The following GPCPD1 variants were observed in gnomAD, a reference collection of about 807,000 sequenced individuals.
The protein encoded by GPCPD1 is glycerophosphocholine phosphodiesterase GPCPD1.
GPCPD1 carries 29 observed loss-of-function variants against 89.2 expected under a neutral mutation model. That is an observed-to-expected ratio of 0.33 (90% CI 0.24 to 0.44). The LOEUF is 0.44. Ranked by LOEUF, GPCPD1 falls within the 20% of genes least tolerant of loss-of-function variation. The pLI, the probability that GPCPD1 is intolerant of heterozygous loss-of-function variation, is 1.00. For synonymous variants in GPCPD1, 258 were observed against 266.3 expected (o/e 0.97, Z 0.30); for missense variants, 594 against 808.9 (o/e 0.73, Z 3.22).
In GPCPD1 at chr20:5,580,108, C is replaced by T. The variant is rs766339227; in HGVS notation, c.373G>A (p.Gly125Arg). The T allele has an allele frequency of 2.0e-6, 3 of 1,504,642 alleles. No homozygotes were observed. The allele number at this position is 1,504,642 out of a possible 1,614,324, so 93.2% of individuals were successfully genotyped here. A position where few individuals can be genotyped will look rare whatever the true frequency, so the allele number is the denominator to read the frequency against. The change falls in exon 7 of 20, where the codon GGA becomes AGA. Residue 125 changes from glycine to arginine, a missense_variant. Physicochemically the swap from Gly to Arg is moderately radical, Grantham distance 125. Coordinates refer to ENST00000379019, the MANE Select transcript of GPCPD1 (RefSeq NM_019593.5). ...IHNGVETLDS[G>R]WLTCQTEIRL... ...ATTTCAGTCTGACATGTCAGCCATC[C>T]AGAATCCAGAGTTTCAACACCATCT...
chr20:5,558,953 A>G (rs73596113), intron 17 of GPCPD1, 134 bp from the exon 18 acceptor site: 100,731 of 621,454 alleles, frequency 0.16, 8,825 homozygotes, highest in South Asian at 0.18. Flanking sequence ...CTGTAATCCC[A>G]ACACTTTGGG....
At chr20:5,567,367 T>G (rs1460807705) in intron 13 of GPCPD1, 116 bp downstream of exon 13, 2 of 1,237,156 alleles carry the variant, frequency 1.6e-6, no homozygotes, top group African/African-American at 3.1e-5. Context: ...AAGCACATAG[T>G]CTACACATTA....
chr20:5,598,507 A>G (rs1221789163), intron 3 of GPCPD1, among the ~76,000 whole-genome samples: 1 of 150,692 alleles, frequency 6.6e-6, no homozygotes, highest in African/African-American at 2.4e-5. Flanking sequence ...AAAAAAAAAA[A>G]GAAATGAAAG....
chr20:5,568,734 G>A (rs1383530290), intron 12 of GPCPD1, among the ~76,000 whole-genome samples: 1 of 151,962 alleles, frequency 6.6e-6, no homozygotes, highest in African/African-American at 2.4e-5. Context: ...GTGAAGCCCC[G>A]TCTCTACTAA....
intron 1 of GPCPD1, among the ~76,000 whole-genome samples, chr20:5,609,426 T>C (rs1461056954): frequency 6.6e-6 from 1 of 152,260 alleles, no homozygotes; most frequent in African/African-American, 2.4e-5. Flanking sequence ...TGGATCTTTA[T>C]TTAAAAAGTG....
intron 3 of GPCPD1, among the ~76,000 whole-genome samples, chr20:5,597,617 G>T (rs1457157381): frequency 6.6e-6 from 1 of 152,168 alleles, no homozygotes; most frequent in African/African-American, 2.4e-5. Flanking sequence ...TCGGGCACTG[G>T]ATATACTTGT....
intron 6 of GPCPD1, among the ~76,000 whole-genome samples, chr20:5,583,201 GCAA>G (rs1978673376): frequency 6.9e-6 from 1 of 145,382 alleles, no homozygotes; most frequent in African/African-American, 2.6e-5. Context: ...TCCAGCCTGG[GCAA>G]CAGGTGCAAA....
chr20:5,547,777 G>C lies in GPCPD1; in HGVS notation c.1903C>G (p.Pro635Ala). The C allele has an allele frequency of 1.2e-6, 2 of 1,610,384 alleles. No individual in the cohort carries two copies. The highest frequency in any genetic ancestry group is 3.3e-4 in the Middle Eastern group (2 of 6,054). Residue 635 changes from proline to alanine, a missense_variant, in exon 20 of 20, where the codon CCA becomes GCA. By Grantham distance (27) the Pro-to-Ala change is conservative. Transcript: ENST00000379019. ...EQLERLKQELPELKSCLCPTV... is the reference protein window; with the variant it reads ...EQLERLKQELAELKSCLCPTV... ...GGACACAAACAGCTCTTAAGCTCTG[G>C]CAATTCCTGCTTCAGGCGTTCCAAT...
chr20:5,605,961 G>C (rs2122824065), intron 1 of GPCPD1, among the ~76,000 whole-genome samples: 1 of 151,976 alleles, frequency 6.6e-6, no homozygotes, highest in Middle Eastern at 3.4e-3. Flanking sequence ...GAATCACTTT[G>C]ATTATTTATA....
intron 4 of GPCPD1, 150 bp downstream of exon 4, chr20:5,593,176 CT>C: frequency 5.8e-6 from 3 of 513,188 alleles, no homozygotes; most frequent in Non-Finnish European, 1.1e-5. Context: ...GAAGTGGCTA[CT>C]TCCTTGGTTT....
chr20:5,549,543 A>AT, intron 19 of GPCPD1: 1 of 946,582 alleles, frequency 1.1e-6, no homozygotes, highest in Non-Finnish European at 1.6e-6. Flanking sequence ...AGCAATCGAG[A>AT]TTTTGGAGCT....
chr20:5,601,361 C>CTTTTT (rs1209326779), intron 2 of GPCPD1, among the ~76,000 whole-genome samples: 10 of 73,058 alleles, frequency 1.4e-4, no homozygotes, highest in Admixed American at 1.9e-4. Context: ...CCCTGTTAAT[C>CTTTTT]TTTTTTTTTT....
chr20:5,598,368 T>G (rs956223756), intron 3 of GPCPD1, among the ~76,000 whole-genome samples: 1 of 152,138 alleles, frequency 6.6e-6, no homozygotes, highest in Admixed American at 6.6e-5. Context: ...ATCACACCAC[T>G]GTACTCCAGC....
intron 6 of GPCPD1, among the ~76,000 whole-genome samples, chr20:5,580,454 G>T (rs1206011698): frequency 2.0e-5 from 3 of 152,110 alleles, no homozygotes; most frequent in Non-Finnish European, 4.4e-5. Flanking sequence ...GGGCGGGCAT[G>T]GTGGCTCACG....
chr20:5,606,223 G>A (rs1280867992), intron 1 of GPCPD1, among the ~76,000 whole-genome samples: 2 of 152,078 alleles, frequency 1.3e-5, no homozygotes, highest in East Asian at 1.9e-4. Context: ...TAATTTAAAT[G>A]GAGAAAGAAC....
chr20:5,596,309 C>T (rs1412839253), intron 3 of GPCPD1, among the ~76,000 whole-genome samples: 2 of 151,932 alleles, frequency 1.3e-5, no homozygotes, highest in South Asian at 2.1e-4. Flanking sequence ...GGAAGATCAC[C>T]GGAGCCCAGG....
At chr20:5,566,278 A>C (rs868558791) in intron 14 of GPCPD1, among the ~76,000 whole-genome samples, 3 of 152,236 alleles carry the variant, frequency 2.0e-5, no homozygotes, top group Non-Finnish European at 4.4e-5. Context: ...AGGATTTAAA[A>C]TGAATACAAT....
At chr20:5,574,165 A>T (rs1290125813) in intron 10 of GPCPD1, 196 bp from the exon 11 acceptor site, 13 of 574,756 alleles carry the variant, frequency 2.3e-5, no homozygotes, top group Non-Finnish European at 4.0e-5. Flanking sequence ...ACAATGATAG[A>T]TATTTACAAG....
At chr20:5,577,731 T>C (rs527594551) in intron 8 of GPCPD1, among the ~76,000 whole-genome samples, 23 of 152,094 alleles carry the variant, frequency 1.5e-4, no homozygotes, top group African/African-American at 5.5e-4. Context: ...GAGGTGGAGC[T>C]AGAGGGTAAG....
Sources: allele counts gnomAD v4.1 joint callset (sites outside exome capture counted in the v4.1 genomes callset), GRCh38; gene constraint gnomAD v4.1.1; transcripts MANE v1.5; gene names NCBI Gene and HGNC (gene_info 2026-07-23, HGNC 2026-07-21).